Variants in KLHL1 observed in about 807,000 individuals in gnomAD.
KLHL1 encodes kelch like family member 1, also known as kelch-like protein 1.
In KLHL1, 47 loss-of-function variants were observed where a neutral mutation model predicts 77.7. The observed-to-expected ratio is 0.60, with a 90% confidence interval of 0.48 to 0.77. The LOEUF (loss-of-function observed/expected upper bound fraction) is 0.77, where lower values mean the gene tolerates loss of function less well. Ranked by LOEUF, KLHL1 falls within the 30% of genes least tolerant of loss-of-function variation. The pLI is 0.00. For missense variants in KLHL1, 925 were observed against 910.8 expected (o/e 1.02, Z -0.20); for synonymous variants, 360 against 325.2 (o/e 1.11, Z -1.15).
chr13:70,030,457 C>T (rs1245167380), intron 1 of KLHL1, among the ~76,000 whole-genome samples: 1 of 152,166 alleles, frequency 6.6e-6, no homozygotes, highest in Admixed American at 6.5e-5. Context: ...AACCACTCAA[C>T]TACATGGAAA....
At chr13:69,712,738 T>G (rs1351813003) in intron 9 of KLHL1, among the ~76,000 whole-genome samples, 1 of 146,384 alleles carries the variant, frequency 6.8e-6, no homozygotes, top group Admixed American at 7.1e-5. Flanking sequence ...TGCATTAAAT[T>G]TATAAATTTT....
rs1442206444 is a variant in KLHL1, at chr13:69,741,636, C to A, written c.1640-1080G>T. Among the ~76,000 whole-genome samples the A allele has an allele frequency of 3.3e-5, 5 of 152,154 alleles. No individual in the cohort carries two copies. The East Asian group carries it at 9.6e-4, about 29-fold the overall frequency. ...ACCTTACTGTTTCCCTTCTCTTGAT[C>A]AAACTTCAGACAGTTTTGTCCTGTG... On this transcript the variant is annotated intron_variant, in intron 7 of 10. Coordinates refer to ENST00000377844, the MANE Select transcript of KLHL1 (RefSeq NM_020866.3).
At chr13:69,992,841 A>G (rs1348026502) in intron 1 of KLHL1, among the ~76,000 whole-genome samples, 1 of 151,996 alleles carries the variant, frequency 6.6e-6, no homozygotes, top group Non-Finnish European at 1.5e-5. Context: ...TTACTTAAAT[A>G]AATTAGTGAA....
intron 5 of KLHL1, among the ~76,000 whole-genome samples, chr13:69,872,262 G>C (rs986515736): frequency 6.6e-6 from 1 of 152,062 alleles, no homozygotes; most frequent in Non-Finnish European, 1.5e-5. Flanking sequence ...GTACATAGGG[G>C]GGACTCCAGG....
At chr13:69,955,967 A>ATATTTGATATATATTTATATATT (rs1417788680) in intron 3 of KLHL1, among the ~76,000 whole-genome samples, 1 of 119,460 alleles carries the variant, frequency 8.4e-6, no homozygotes, top group Admixed American at 9.1e-5. Flanking sequence ...TGATATTTAT[A>ATATTTGATATATATTTATATATT]TATTTGATAT....
chr13:70,034,873 C>A (rs914379982), intron 1 of KLHL1, among the ~76,000 whole-genome samples: 2 of 152,070 alleles, frequency 1.3e-5, no homozygotes, highest in Non-Finnish European at 2.9e-5. Context: ...ATAGTTACAT[C>A]TCTAATGTTT....
intron 4 of KLHL1, among the ~76,000 whole-genome samples, chr13:69,916,702 G>A (rs13378978): frequency 6.5e-4 from 98 of 151,546 alleles, no homozygotes; most frequent in Non-Finnish European, 1.1e-3. Flanking sequence ...TAACAAACCT[G>A]CACATTGTGC....
Position 70,086,708 on chromosome 13 carries a change from C to CTT in KLHL1, c.497+20493_497+20494dup, listed in dbSNP as rs10670182. Among the ~76,000 whole-genome samples the CTT allele has an allele frequency of 1.0e-2, 1,399 of 140,470 alleles. 11 individuals carry two copies. Among genetic ancestry groups the CTT allele is most frequent in the Admixed American group, 0.014 (202 of 13,998 alleles). 92.2% of individuals were successfully genotyped at this position (140,470 alleles called of 152,430 possible). On this transcript the variant is annotated intron_variant, in intron 1 of 10. Coordinates refer to ENST00000377844, the MANE Select transcript of KLHL1 (RefSeq NM_020866.3). ...ACAGCTCATGATTGCCCTTTTCAAA[C>CTT]TTTTTTTTTTTTTCAAATCTTACCT...
intron 7 of KLHL1, among the ~76,000 whole-genome samples, chr13:69,796,501 ATGGCCTCCCTTTGCC>A (rs1026204641): frequency 2.0e-5 from 3 of 152,170 alleles, no homozygotes; most frequent in African/African-American, 7.2e-5. Flanking sequence ...CTCTGAATGC[ATGGCCTCCCTTTGCC>A]TTCTGTCATG....
intron 5 of KLHL1, among the ~76,000 whole-genome samples, chr13:69,878,473 G>C (rs1380208438): frequency 2.6e-5 from 4 of 151,976 alleles, no homozygotes; most frequent in Non-Finnish European, 5.9e-5. Context: ...TCAAAAATTA[G>C]ACCAAGTACT....
At chr13:69,839,233 A>G (rs58414297) in intron 5 of KLHL1, 71 bp from the exon 6 acceptor site, 45,717 of 1,091,310 alleles carry the variant, frequency 0.042, 1,933 homozygotes, top group African/African-American at 0.2. Flanking sequence ...CCTTAAAACT[A>G]GAAGTTTAAT....
intron 5 of KLHL1, among the ~76,000 whole-genome samples, chr13:69,864,240 T>C (rs1880283154): frequency 6.6e-6 from 1 of 151,980 alleles, no homozygotes. Flanking sequence ...TATTCTTCTA[T>C]GAAGAATAAT....
chr13:70,027,623 G>A (rs527896299), intron 1 of KLHL1, among the ~76,000 whole-genome samples: 1 of 143,814 alleles, frequency 7.0e-6, no homozygotes, highest in East Asian at 2.1e-4. Context: ...ACCTAACAGA[G>A]GGCATTTTTG....
intron 2 of KLHL1, among the ~76,000 whole-genome samples, chr13:69,967,036 T>C (rs1884231377): frequency 1.3e-5 from 2 of 152,170 alleles, no homozygotes; most frequent in South Asian, 4.1e-4. Flanking sequence ...GTTGATTCCA[T>C]ATATCTGATA....
At chr13:69,922,354 T>C (rs1446647098) in intron 4 of KLHL1, among the ~76,000 whole-genome samples, 1 of 152,078 alleles carries the variant, frequency 6.6e-6, no homozygotes, top group African/African-American at 2.4e-5. Context: ...CACAAAGTGG[T>C]GAAGTACGAA....
intron 1 of KLHL1, among the ~76,000 whole-genome samples, chr13:70,101,437 T>C (rs1021270488): frequency 1.5e-4 from 23 of 151,394 alleles, no homozygotes; most frequent in African/African-American, 5.3e-4. Context: ...ATATATATAA[T>C]TTTTTTTTAA....
rs114056299 is a variant in KLHL1 at position 70,043,921 on chromosome 13, A to G, written c.497+63282T>C. Reference sequence around the variant, plus strand: ...TTCTAATCTGACTCATCATCTCTCAATCACACTTCTGCAATTGTTCCCTAC... The same window carrying G: ...TTCTAATCTGACTCATCATCTCTCAGTCACACTTCTGCAATTGTTCCCTAC... On this transcript the variant is annotated intron_variant, in intron 1 of 10. Transcript: ENST00000377844. Among the ~76,000 whole-genome samples, 505 of 152,260 alleles carry G rather than the reference A, an allele frequency of 3.3e-3. 7 individuals are homozygous for G. Among genetic ancestry groups the G allele is most frequent in the African/African-American group, 0.011 (473 of 41,544 alleles).
chr13:69,770,835 G>A (rs765269832), intron 7 of KLHL1, among the ~76,000 whole-genome samples: 15 of 152,046 alleles, frequency 9.9e-5, no homozygotes, highest in Non-Finnish European at 1.9e-4. Context: ...TGCAACCTCC[G>A]CCTCCTGGGT....
intron 6 of KLHL1, among the ~76,000 whole-genome samples, chr13:69,815,700 G>C (rs988180244): frequency 6.6e-6 from 1 of 151,748 alleles, no homozygotes; most frequent in African/African-American, 2.4e-5. Flanking sequence ...TGTACCCGTG[G>C]AATCTAAAAT....
Sources: gnomAD v4.1 joint callset for allele counts (sites outside exome capture counted in the v4.1 genomes callset) on GRCh38, gnomAD v4.1.1 for gene constraint, MANE v1.5 for transcripts, NCBI Gene and HGNC (gene_info 2026-07-23, HGNC 2026-07-21) for gene names.